The following RTL4 variants were observed in gnomAD, a reference collection of about 807,000 sequenced individuals.
RTL4 encodes the protein retrotransposon Gag-like protein 4.
In RTL4, 4 loss-of-function variants were observed where a neutral mutation model predicts 5.3. That is an observed-to-expected ratio of 0.75 (90% CI 0.37 to 1.72). The LOEUF is 1.72. RTL4 is among the 40% of genes most tolerant of loss of function. The probability of loss-of-function intolerance (pLI) is 0.04; values close to 1 mark genes in which losing one functional copy is unlikely to be tolerated. For synonymous variants in RTL4, 98 were observed against 87.3 expected, an observed-to-expected ratio of 1.12 and a Z score of -0.68; for missense variants, 260 against 227.1, an observed-to-expected ratio of 1.14 and a Z score of -0.93.
chrX:112,340,103 A>C, the RTL4 span, among the ~76,000 whole-genome samples: 287 of 112,929 alleles, frequency 2.5e-3, 1 homozygote, highest in African/African-American at 9.0e-3. Flanking sequence ...TCAAAAAATA[A>C]AAACAAAAAT....
At chrX:112,206,600 T>G in the RTL4 span, among the ~76,000 whole-genome samples, 1 of 110,961 alleles carries the variant, frequency 9.0e-6, no homozygotes, top group Non-Finnish European at 1.9e-5. Flanking sequence ...AAGTTGGGGT[T>G]CCTCAGGGCT....
chrX:112,445,213 T>C, the RTL4 span, among the ~76,000 whole-genome samples: 4 of 111,974 alleles, frequency 3.6e-5, no homozygotes, highest in Non-Finnish European at 7.5e-5. Context: ...CACCTACAAA[T>C]TGTCTTTCCC....
the RTL4 span, among the ~76,000 whole-genome samples, chrX:112,119,494 G>A: frequency 9.0e-6 from 1 of 111,254 alleles, no homozygotes; most frequent in East Asian, 2.9e-4. Context: ...GAATGTGTAC[G>A]ACTTGGACAG....
chrX:112,395,862 C>G, the RTL4 span, among the ~76,000 whole-genome samples: 3 of 111,299 alleles, frequency 2.7e-5, no homozygotes, highest in African/African-American at 9.8e-5. Flanking sequence ...ATACAAAAGT[C>G]AAACATGGCA....
chrX:112,190,176 C>CTTTCTTTCTTTCTT, the RTL4 span, among the ~76,000 whole-genome samples: 204 of 98,764 alleles, frequency 2.1e-3, 1 homozygote, highest in Middle Eastern at 0.015. Flanking sequence ...TTCTTTCTTT[C>CTTTCTTTCTTTCTT]TTTCTTTCTT....
the RTL4 span, among the ~76,000 whole-genome samples, chrX:112,317,135 G>A: frequency 3.6e-5 from 4 of 111,267 alleles, no homozygotes; most frequent in African/African-American, 1.3e-4. Context: ...AAACAAGGGA[G>A]TTCAAGACCA....
At chrX:112,312,997 ATGTG>A in the RTL4 span, among the ~76,000 whole-genome samples, 1 of 110,988 alleles carries the variant, frequency 9.0e-6, no homozygotes, top group African/African-American at 3.3e-5. Flanking sequence ...AGTGCAGGGA[ATGTG>A]TGTGTGCATA....
chrX:112,255,407 A>T, the RTL4 span, among the ~76,000 whole-genome samples: 1 of 112,099 alleles, frequency 8.9e-6, no homozygotes, highest in African/African-American at 3.2e-5. Flanking sequence ...TGTAAATTGG[A>T]TTCAAATCCT....
At chrX:112,381,305 C>G in the RTL4 span, 1 of 1,209,635 alleles carries the variant, frequency 8.3e-7, no homozygotes, top group Non-Finnish European at 1.1e-6. Flanking sequence ...GCTCCTTCCA[C>G]CGTATCATAG....
At chrX:112,168,928 T>C in the RTL4 span, among the ~76,000 whole-genome samples, 1 of 75,358 alleles carries the variant, frequency 1.3e-5, no homozygotes, top group South Asian at 9.0e-4. Context: ...ATTCTTTCTT[T>C]CTTTCTTTCT....
At chrX:112,423,218 A>C in the RTL4 span, among the ~76,000 whole-genome samples, 1 of 110,297 alleles carries the variant, frequency 9.1e-6, no homozygotes, top group African/African-American at 3.3e-5. Context: ...AATTCCTTTC[A>C]GGTATAGATA....
rs190684647 is a variant in RTL4, at chrX:112,456,010, G to C, written c.*349G>C. 8.6e-4 allele frequency: 242 copies of C among 281,426 alleles called. 2 individuals carry two copies. In the East Asian group the frequency reaches 0.013, roughly 15 times the overall value. 23.2% of individuals were successfully genotyped at this position (281,426 alleles called of 1,213,427 possible). ...TATCCTGACCAATGGGTGACATCTG[G>C]GTTGAGTTTGTGTCCCAAATCCTGA... On this transcript the variant is annotated 3_prime_UTR_variant, in exon 1 of 1. Coordinates refer to ENST00000340433, the Ensembl canonical transcript of RTL4.
chrX:112,132,737 T>C, the RTL4 span, among the ~76,000 whole-genome samples: 2 of 112,367 alleles, frequency 1.8e-5, no homozygotes, highest in African/African-American at 3.2e-5. Flanking sequence ...TTGTCTTCTC[T>C]CCCATTTTAA....
At chrX:112,401,926 T>C in the RTL4 span, among the ~76,000 whole-genome samples, 1 of 112,209 alleles carries the variant, frequency 8.9e-6, no homozygotes, top group Non-Finnish European at 1.9e-5. Flanking sequence ...CATGTTTCTA[T>C]ACAATTTTCT....
the RTL4 span, among the ~76,000 whole-genome samples, chrX:112,115,606 G>A: frequency 1.8e-5 from 2 of 111,724 alleles, no homozygotes; most frequent in African/African-American, 3.3e-5. Context: ...CTACTTTGAG[G>A]AGGGATCCTA....
chrX:112,447,869 C>G, the RTL4 span, among the ~76,000 whole-genome samples: 3 of 111,798 alleles, frequency 2.7e-5, no homozygotes, highest in South Asian at 1.1e-3. Context: ...TACAGAGAGT[C>G]TTAAACATGG....
the RTL4 span, among the ~76,000 whole-genome samples, chrX:112,378,889 G>A: frequency 8.9e-6 from 1 of 112,448 alleles, no homozygotes; most frequent in Non-Finnish European, 1.9e-5. Flanking sequence ...AAACCAGCCA[G>A]TGTTTAGGTG....
the RTL4 span, among the ~76,000 whole-genome samples, chrX:112,084,934 CCTT>C: frequency 8.9e-6 from 1 of 112,423 alleles, no homozygotes; most frequent in Admixed American, 9.4e-5. Flanking sequence ...TCTGCCCTAT[CCTT>C]CTAACCTCTT....
At chrX:112,325,823 C>T in the RTL4 span, among the ~76,000 whole-genome samples, 1 of 112,163 alleles carries the variant, frequency 8.9e-6, no homozygotes, top group Admixed American at 9.4e-5. Flanking sequence ...AACTAAAGAG[C>T]TTCTGTACAG....
Sources: allele counts gnomAD v4.1 joint callset (sites outside exome capture counted in the v4.1 genomes callset), GRCh38; gene constraint gnomAD v4.1.1; transcripts MANE v1.5; gene names NCBI Gene and HGNC (gene_info 2026-07-23, HGNC 2026-07-21).